VSIG10L2: variants seen among roughly 807,000 people sequenced by gnomAD.
VSIG10L2 encodes the protein V-set and immunoglobulin domain containing 10 like 2, also known as V-set and immunoglobulin domain-containing protein 10-like 2.
A neutral mutation model predicts 67.1 loss-of-function variants in VSIG10L2; 56 were observed. The observed-to-expected ratio is 0.83, with a 90% CI of 0.67 to 1.04. The LOEUF (loss-of-function observed/expected upper bound fraction) is 1.04, where lower values mean the gene tolerates loss of function less well. Among genes scored for constraint, VSIG10L2 ranks in the 50% least tolerant of loss-of-function variants. The pLI is 0.00. For synonymous variants in VSIG10L2, 360 were observed against 396.6 expected, an observed-to-expected ratio of 0.91 and a Z score of 1.10; for missense variants, 843 against 932.8, an observed-to-expected ratio of 0.90 and a Z score of 1.25.
chr11:125,949,839 T>C (rs1373460044), intron 3 of VSIG10L2, among the ~76,000 whole-genome samples, 175 bp from the exon 4 acceptor site: 1 of 152,160 alleles, frequency 6.6e-6, no homozygotes, highest in African/African-American at 2.4e-5. Flanking sequence ...CTGAGCACCC[T>C]GGACTGTGCC....
In VSIG10L2 at chr11:125,953,693, G is replaced by T; in HGVS notation, c.1786+3G>T. 8.1e-7 allele frequency: 1 copy of T among 1,232,304 alleles called. No homozygotes were observed. The highest frequency in any genetic ancestry group is 4.1e-5 in the South Asian group (1 of 24,300). The allele number at this position is 1,232,304 out of a possible 1,614,324, so 76.3% of individuals were successfully genotyped here. A position where few individuals can be genotyped will look rare whatever the true frequency, so the allele number is the denominator to read the frequency against. The stretch of plus-strand genomic sequence containing the variant: ...GAGTGTGCTGCTGGAGGTCCTGAGT[G>T]AGTGAGGGGTTGAATGCGTGTGTGT... On this transcript the variant is annotated splice_donor_region_variant and intron_variant, in intron 7 of 11. Transcript: ENST00000686984.
intron 6 of VSIG10L2, 129 bp downstream of exon 6, chr11:125,952,202 A>G (rs1945387734): frequency 7.8e-7 from 1 of 1,283,360 alleles, no homozygotes; most frequent in African/African-American, 1.5e-5. Flanking sequence ...CGGGGAAGCT[A>G]GGAGGTAGTT....
intron 3 of VSIG10L2, 54 bp from the exon 4 acceptor site, chr11:125,949,960 C>T (rs185661911): frequency 2.5e-5 from 31 of 1,228,996 alleles, no homozygotes; most frequent in Middle Eastern, 3.1e-4. Context: ...TGAGCATGTG[C>T]GTGAATGAAG....
At chr11:125,947,437 A>C in intron 1 of VSIG10L2, 1 of 985,280 alleles carries the variant, frequency 1.0e-6, no homozygotes, top group Non-Finnish European at 1.2e-6. Flanking sequence ...AGGAGTGGGG[A>C]TGTCTGCTCC....
chr11:125,953,390 G>A lies in VSIG10L2; in HGVS notation c.1496-10G>A, dbSNP rs1294860122. On this transcript the variant is annotated splice_polypyrimidine_tract_variant and intron_variant, in intron 6 of 11. Coordinates refer to ENST00000686984, the MANE Select transcript of VSIG10L2 (RefSeq NM_001365077.2). ...CCCACTAGCCGGCCTCATCCTCTCT[G>A]TCCCCGCAGAAGCCCCACAGCTGGA... 1 of 1,232,326 alleles carries A rather than the reference G, an allele frequency of 8.1e-7. No individual in the cohort carries two copies. The highest frequency in any genetic ancestry group is 1.6e-5 in the African/African-American group (1 of 64,410). The allele number at this position is 1,232,326 out of a possible 1,614,324, so 76.3% of individuals were successfully genotyped here.
chr11:125,950,379 C>G (rs79720962), intron 4 of VSIG10L2, 90 bp downstream of exon 4: 1 of 1,206,618 alleles, frequency 8.3e-7, no homozygotes, highest in Non-Finnish European at 1.0e-6. Flanking sequence ...CAGACCCCGC[C>G]GTCCCGTGGA....
rs1236980419 is a variant in VSIG10L2, at chr11:125,951,049, C to T, written c.1125C>T (p.Ser375=). The T allele has an allele frequency of 3.1e-5, 38 of 1,232,390 alleles. No individual in the cohort carries two copies. The highest frequency in any genetic ancestry group is 1.9e-4 in the East Asian group (6 of 31,724). 76.3% of individuals were successfully genotyped at this position (1,232,390 alleles called of 1,614,324 possible). A position where few individuals can be genotyped will look rare whatever the true frequency, so the allele number is the denominator to read the frequency against. ...AGGGACCTGGCCCTACTGCCCCCAG[C>T]AACGTCACCTGGAGTCACGCAGCCG... ...GPQGPGPTAP[S]NVTWSHAAAQ... is the part of the protein sequence containing the mutation. Residue 375 remains serine, a synonymous_variant, in exon 5 of 12, where the codon AGC becomes AGT. Coordinates refer to ENST00000686984, the MANE Select transcript of VSIG10L2 (RefSeq NM_001365077.2).
At chr11:125,951,670 A>T in intron 5 of VSIG10L2, 143 bp from the exon 6 acceptor site, 1 of 812,504 alleles carries the variant, frequency 1.2e-6, no homozygotes, top group Non-Finnish European at 1.9e-6. Context: ...CATGATCAAT[A>T]AATGATGAGT....
At chr11:125,948,715 C>A in intron 3 of VSIG10L2, 135 bp downstream of exon 3, 1 of 999,558 alleles carries the variant, frequency 1.0e-6, no homozygotes, top group Non-Finnish European at 1.3e-6. Flanking sequence ...CTCCAGCAGG[C>A]AAGAGTCACG....
chr11:125,954,364 C>G lies in VSIG10L2; in HGVS notation c.2064C>G (p.Pro688=). Residue 688 remains proline, a synonymous_variant, in exon 8 of 12, where the codon CCC becomes CCG. Coordinates refer to ENST00000686984, the MANE Select transcript of VSIG10L2 (RefSeq NM_001365077.2). ...TGAATCACCACACTGCAGGACATCC[C>G]TCTGAGGTGAAGATACCAGGTGCCA... ...LALNHHTAGH[P]SEVKIPADPP... is the part of the protein sequence containing the mutation. The G allele has an allele frequency of 8.1e-7, 1 of 1,232,184 alleles. No homozygotes were observed. The highest frequency in any genetic ancestry group is 3.2e-5 in the East Asian group (1 of 31,698). 76.3% of individuals were successfully genotyped at this position (1,232,184 alleles called of 1,614,324 possible). A position where few individuals can be genotyped will look rare whatever the true frequency, so the allele number is the denominator to read the frequency against.
chr11:125,954,411 A>G, intron 8 of VSIG10L2, 28 bp downstream of exon 8: 1 of 1,231,948 alleles, frequency 8.1e-7, no homozygotes, highest in Non-Finnish European at 1.0e-6. Context: ...GGAGGGACCC[A>G]CCTTTTCTCC....
In VSIG10L2 at chr11:125,955,509, G is replaced by T; in HGVS notation, c.2231+3G>T. ...CTTGGTCAATTGCTTGTTCCCACGTGAGTGTGGAACCCCAGTCATCCTGGG... is the reference window on the plus strand; with the variant it reads ...CTTGGTCAATTGCTTGTTCCCACGTTAGTGTGGAACCCCAGTCATCCTGGG... On this transcript the variant is annotated splice_donor_region_variant and intron_variant, in intron 10 of 11. Transcript: ENST00000686984. 1.0e-6 allele frequency: 1 copy of T among 986,584 alleles called. No homozygotes were observed. Among genetic ancestry groups the T allele is most frequent in the Non-Finnish European group, 1.5e-6 (1 of 664,652 alleles). The allele number at this position is 986,584 out of a possible 1,614,324, so 61.1% of individuals were successfully genotyped here.
At chr11:125,953,341 G>A (rs1945403697) in intron 6 of VSIG10L2, 59 bp from the exon 7 acceptor site, 1 of 1,219,092 alleles carries the variant, frequency 8.2e-7, no homozygotes, top group Non-Finnish European at 1.0e-6. Context: ...TCCAATGCTG[G>A]CCAGCACCTT....
chr11:125,955,672 GCAC>G lies in VSIG10L2; in HGVS notation c.2284+7_2284+9del. ...AAGATGCTGAGGCACCGGCAGGTAA[GCAC>G]CTTATCCAGAAAAAGACGACTCGTG... On this transcript the variant is annotated splice_donor_region_variant and intron_variant, in intron 11 of 11. Transcript: ENST00000686984. 2 of 1,533,294 alleles carry G rather than the reference GCAC, an allele frequency of 1.3e-6. No individual in the cohort carries two copies. The highest frequency in any genetic ancestry group is 2.4e-5 in the South Asian group (2 of 83,212). The allele number at this position is 1,533,294 out of a possible 1,614,324, so 95.0% of individuals were successfully genotyped here.
At chr11:125,947,088 G>A (rs753930709) in intron 1 of VSIG10L2, among the ~76,000 whole-genome samples, 3 of 152,246 alleles carry the variant, frequency 2.0e-5, no homozygotes, top group South Asian at 4.1e-4. Flanking sequence ...TTGTGACCCC[G>A]GCACTCTATG....
intron 7 of VSIG10L2, 114 bp from the exon 8 acceptor site, chr11:125,953,973 T>A (rs1286459421): frequency 2.1e-6 from 2 of 930,800 alleles, no homozygotes; most frequent in South Asian, 5.8e-5. Context: ...CAGACCCCAA[T>A]CCAGTGCCTT....
In VSIG10L2 at chr11:125,951,021, CTCAGG is replaced by C. The variant is rs1945361134; in HGVS notation, c.1098_1102del (p.Gln367ThrfsTer82). 1 of 1,232,346 alleles carries C rather than the reference CTCAGG, an allele frequency of 8.1e-7. No individual in the cohort carries two copies. The highest frequency in any genetic ancestry group is 1.6e-5 in the African/African-American group (1 of 64,404). 76.3% of individuals were successfully genotyped at this position (1,232,346 alleles called of 1,614,324 possible). A position where few individuals can be genotyped will look rare whatever the true frequency, so the allele number is the denominator to read the frequency against. Reference sequence around the variant, plus strand: ...CCTGCCCAACTGCAGTGGGAAGGGCCTCAGGGACCTGGCCCTACTGCCCCCAGCAA... The same window carrying C: ...CCTGCCCAACTGCAGTGGGAAGGGCCGACCTGGCCCTACTGCCCCCAGCAA... On this transcript the variant is annotated frameshift_variant, in exon 5 of 12. Coordinates refer to ENST00000686984, the MANE Select transcript of VSIG10L2 (RefSeq NM_001365077.2). LOFTEE classifies it high-confidence loss of function.
Position 125,946,838 on chromosome 11 carries a change from C to G in VSIG10L2, c.82+701C>G, listed in dbSNP as rs548701296. Among the ~76,000 whole-genome samples, 1 of 152,298 alleles carries G rather than the reference C, an allele frequency of 6.6e-6. No individual in the cohort carries two copies. Among genetic ancestry groups the G allele is most frequent in the African/African-American group, 2.4e-5 (1 of 41,560 alleles). ...CAGGCCTGAGCCACTGAGCCCGGCC[C>G]CAGAGACTTACTTTCATGCAAATTT... On this transcript the variant is annotated intron_variant, in intron 1 of 11. Transcript: ENST00000686984. This position sits in a 1 kb window ranked among gnomAD's most constrained non-coding sequence, Gnocchi z 4.4.
chr11:125,948,313 T>A lies in VSIG10L2; in HGVS notation c.442T>A (p.Ser148Thr). The A allele has an allele frequency of 8.1e-7, 1 of 1,232,598 alleles. No individual in the cohort carries two copies. Among genetic ancestry groups the A allele is most frequent in the Non-Finnish European group, 1.0e-6 (1 of 988,364 alleles). The allele number at this position is 1,232,598 out of a possible 1,614,324, so 76.4% of individuals were successfully genotyped here. A position where few individuals can be genotyped will look rare whatever the true frequency, so the allele number is the denominator to read the frequency against. Reference sequence around the variant, plus strand: ...CTCCCTCCTCTGGCCAGTGCCGGTGTCCAAGCCTCAAGTGCGACTGAGTAA... The same window carrying A: ...CTCCCTCCTCTGGCCAGTGCCGGTGACCAAGCCTCAAGTGCGACTGAGTAA... ...HLTLAVLVPV[S>T]KPQVRLSNPS... Residue 148 changes from serine to threonine, a missense_variant, in exon 3 of 12, where the codon TCC becomes ACC. Coordinates refer to ENST00000686984, the MANE Select transcript of VSIG10L2 (RefSeq NM_001365077.2).
Sources: gnomAD v4.1 joint callset for allele counts (sites outside exome capture counted in the v4.1 genomes callset) on GRCh38, gnomAD v4.1.1 for gene constraint, Gnocchi (gnomAD v3.1) non-coding constraint, MANE v1.5 for transcripts, NCBI Gene and HGNC (gene_info 2026-07-23, HGNC 2026-07-21) for gene names.